Variants in FTO observed in about 807,000 individuals in gnomAD.
FTO encodes the protein FTO alpha-ketoglutarate dependent dioxygenase, also known as alpha-ketoglutarate-dependent dioxygenase FTO.
FTO carries 47 observed loss-of-function variants against 63.9 expected under a neutral mutation model. The ratio of observed to expected loss-of-function variants is 0.74; its 90% CI spans 0.58 to 0.94. The LOEUF is 0.94. Among genes scored for constraint, FTO ranks in the 40% least tolerant of loss-of-function variants. The pLI is 0.00. For missense variants in FTO, 562 were observed against 618.1 expected, an observed-to-expected ratio of 0.91 and a Z score of 0.96; for synonymous variants, 207 against 224.4, an observed-to-expected ratio of 0.92 and a Z score of 0.69.
At chr16:53,735,251 A>G (rs2076365186) in intron 1 of FTO, among the ~76,000 whole-genome samples, 1 of 152,238 alleles carries the variant, frequency 6.6e-6, no homozygotes, top group African/African-American at 2.4e-5. Flanking sequence ...TGAATTATCC[A>G]TCCAATACAT....
intron 8 of FTO, among the ~76,000 whole-genome samples, chr16:53,962,533 A>G (rs978451785): frequency 6.6e-6 from 1 of 152,216 alleles, no homozygotes; most frequent in African/African-American, 2.4e-5. Context: ...GAAGAGAGAC[A>G]TGGGGTTTTG....
At chr16:54,064,762 A>G (rs1162125065) in intron 8 of FTO, among the ~76,000 whole-genome samples, 1 of 152,210 alleles carries the variant, frequency 6.6e-6, no homozygotes, top group Non-Finnish European at 1.5e-5. Flanking sequence ...ACACCTGATT[A>G]AACAGGCCTG....
chr16:54,062,636 C>A (rs1183454909), intron 8 of FTO, among the ~76,000 whole-genome samples: 1 of 152,120 alleles, frequency 6.6e-6, no homozygotes, highest in African/African-American at 2.4e-5. Context: ...CTGAACCAGG[C>A]TAGGACCAGA....
chr16:54,073,780 G>C (rs940047707), intron 8 of FTO, among the ~76,000 whole-genome samples: 2 of 152,012 alleles, frequency 1.3e-5, no homozygotes, highest in Non-Finnish European at 2.9e-5. Context: ...AGTATTTATA[G>C]AATACTCATG....
chr16:53,710,498 C>T (rs1327812758), intron 1 of FTO, among the ~76,000 whole-genome samples: 1 of 152,032 alleles, frequency 6.6e-6, no homozygotes, highest in Middle Eastern at 3.2e-3. Context: ...CTCCTGACCT[C>T]GTGATTCACC....
intron 1 of FTO, among the ~76,000 whole-genome samples, chr16:53,747,873 T>C (rs2076684903): frequency 6.6e-6 from 1 of 152,198 alleles, no homozygotes; most frequent in South Asian, 2.1e-4. Flanking sequence ...AATTTTATTC[T>C]TTTGCATATG....
intron 4 of FTO, among the ~76,000 whole-genome samples, chr16:53,871,230 C>T (rs779938389): frequency 1.3e-5 from 2 of 152,056 alleles, no homozygotes; most frequent in Non-Finnish European, 2.9e-5. Flanking sequence ...GCCATTGTTT[C>T]TATAAAAATG....
chr16:53,892,367 T>G (rs2081171137), intron 7 of FTO, among the ~76,000 whole-genome samples: 1 of 152,160 alleles, frequency 6.6e-6, no homozygotes, highest in African/African-American at 2.4e-5. Context: ...TTGCTTCAAG[T>G]TAGCTGTAAT....
At chr16:53,972,819 G>C (rs115883191) in intron 8 of FTO, among the ~76,000 whole-genome samples, 23 of 152,310 alleles carry the variant, frequency 1.5e-4, no homozygotes, top group African/African-American at 5.5e-4. Flanking sequence ...TGTTTGTGGA[G>C]AGTGCAGGGA....
chr16:53,832,720 C>A (rs566811742), intron 3 of FTO, among the ~76,000 whole-genome samples: 2 of 152,226 alleles, frequency 1.3e-5, no homozygotes, highest in Admixed American at 6.5e-5. Context: ...CCCTTGTATC[C>A]TTTTTTATTT....
chr16:53,960,149 G>T (rs1462546164), intron 8 of FTO, among the ~76,000 whole-genome samples: 1 of 152,112 alleles, frequency 6.6e-6, no homozygotes, highest in Non-Finnish European at 1.5e-5. Context: ...ATGCAATGGG[G>T]TCATCTCTTC....
At chr16:53,735,976 G>T (rs138463984) in intron 1 of FTO, among the ~76,000 whole-genome samples, 1 of 152,022 alleles carries the variant, frequency 6.6e-6, no homozygotes, top group Admixed American at 6.6e-5. Flanking sequence ...ATAAAATGGA[G>T]ATAATATATC....
intron 8 of FTO, among the ~76,000 whole-genome samples, chr16:54,001,684 A>G (rs972365748): frequency 6.6e-6 from 1 of 152,142 alleles, no homozygotes; most frequent in African/African-American, 2.4e-5. Context: ...CTCTCCAAGC[A>G]TAGGATAGAG....
chr16:53,990,482 A>G (rs972792843), intron 8 of FTO, among the ~76,000 whole-genome samples: 7 of 152,046 alleles, frequency 4.6e-5, no homozygotes, highest in Non-Finnish European at 1.0e-4. Context: ...CTCACACCAG[A>G]CAGCGGCAGG....
chr16:53,871,947 GA>G (rs1481696529), intron 4 of FTO, among the ~76,000 whole-genome samples: 1 of 151,980 alleles, frequency 6.6e-6, no homozygotes, highest in Non-Finnish European at 1.5e-5. Context: ...GGCTGGTCTC[GA>G]ACTCCTGACC....
chr16:54,055,624 T>A (rs1463026507), intron 8 of FTO, among the ~76,000 whole-genome samples: 1 of 152,208 alleles, frequency 6.6e-6, no homozygotes, highest in African/African-American at 2.4e-5. Context: ...TAATTTTGAG[T>A]GTGTTCCAAC....
At chr16:53,798,144 A>G (rs1040063639) in intron 1 of FTO, among the ~76,000 whole-genome samples, 3 of 152,056 alleles carry the variant, frequency 2.0e-5, no homozygotes, top group South Asian at 2.1e-4. Context: ...GTGGACCTCT[A>G]TTTTGTTCCA....
intron 6 of FTO, among the ~76,000 whole-genome samples, chr16:53,883,172 A>G (rs2080886780): frequency 6.6e-6 from 1 of 152,234 alleles, no homozygotes; most frequent in Admixed American, 6.5e-5. Flanking sequence ...GTGTCAGACT[A>G]GCAGAATGGG....
At chr16:53,751,886 A>C (rs74020803) in intron 1 of FTO, among the ~76,000 whole-genome samples, 3,736 of 152,274 alleles carry the variant, frequency 0.025, 61 homozygotes, top group Middle Eastern at 0.088. Flanking sequence ...TTTCTCTCTG[A>C]TTCAAGCTGC....
Sources: allele counts gnomAD v4.1 joint callset (sites outside exome capture counted in the v4.1 genomes callset), GRCh38; gene constraint gnomAD v4.1.1; transcripts MANE v1.5; gene names NCBI Gene and HGNC (gene_info 2026-07-23, HGNC 2026-07-21).